TBC1D22B: variants seen among roughly 807,000 people sequenced by gnomAD.
TBC1D22B encodes TBC1 domain family member 22B.
A neutral mutation model predicts 69.1 loss-of-function variants in TBC1D22B; 32 were observed. The ratio of observed to expected loss-of-function variants is 0.46; its 90% CI spans 0.35 to 0.62. TBC1D22B has a LOEUF of 0.62. TBC1D22B is among the 20% of genes least tolerant of loss of function. TBC1D22B has a pLI of 0.00. For synonymous variants in TBC1D22B, 206 were observed against 229.8 expected (o/e 0.90, Z 0.94); for missense variants, 462 against 630.9 (o/e 0.73, Z 2.87).
intron 8 of TBC1D22B, among the ~76,000 whole-genome samples, chr6:37,294,508 T>A (rs1281554896): frequency 6.6e-6 from 1 of 151,892 alleles, no homozygotes; most frequent in Non-Finnish European, 1.5e-5. Flanking sequence ...TAGAGGGGAG[T>A]AGTCAATGTC....
intron 8 of TBC1D22B, among the ~76,000 whole-genome samples, chr6:37,293,824 T>C (rs1181622228): frequency 6.6e-6 from 1 of 152,158 alleles, no homozygotes; most frequent in African/African-American, 2.4e-5. Flanking sequence ...AACACACAAA[T>C]AGTAAGAGAT....
rs540142215 is a variant in TBC1D22B at position 37,313,895 on chromosome 6, G to A, written c.1165+4G>A. On this transcript the variant is annotated splice_donor_region_variant and intron_variant, in intron 10 of 12. Transcript: ENST00000373491. ...GAGCTTGTCAGCCGGATTGATGGTA[G>A]GTTCAGAGGGAGAAGAGTTCTCTAG... is the stretch of plus-strand genomic sequence containing the variant. The A allele has an allele frequency of 6.2e-7, 1 of 1,613,806 alleles. No individual in the cohort carries two copies. Among genetic ancestry groups the A allele is most frequent in the African/African-American group, 1.3e-5 (1 of 74,922 alleles).
intron 3 of TBC1D22B, among the ~76,000 whole-genome samples, chr6:37,281,412 A>G (rs966816250): frequency 5.3e-5 from 8 of 152,152 alleles, no homozygotes; most frequent in African/African-American, 1.9e-4. Flanking sequence ...AACAAGACAG[A>G]GTTCAGTTTG....
intron 8 of TBC1D22B, among the ~76,000 whole-genome samples, chr6:37,308,915 C>A (rs1348032614): frequency 6.8e-6 from 1 of 147,150 alleles, no homozygotes; most frequent in Admixed American, 6.9e-5. Flanking sequence ...TCAAGACCAG[C>A]CTAGGCAATA....
chr6:37,283,034 C>A, intron 5 of TBC1D22B, 82 bp downstream of exon 5: 1 of 1,214,368 alleles, frequency 8.2e-7, no homozygotes, highest in South Asian at 1.3e-5. Context: ...ACACATTGGT[C>A]TTAACTCCAT....
At chr6:37,275,359 G>A (rs1396178119) in intron 2 of TBC1D22B, among the ~76,000 whole-genome samples, 1 of 152,234 alleles carries the variant, frequency 6.6e-6, no homozygotes, top group South Asian at 2.1e-4. Context: ...CCTACAGGGT[G>A]TGAGAGTTGG....
chr6:37,311,246 C>G (rs1052745600), intron 8 of TBC1D22B, among the ~76,000 whole-genome samples: 3 of 150,884 alleles, frequency 2.0e-5, no homozygotes, highest in African/African-American at 7.3e-5. Context: ...CCACCCTTCT[C>G]AAGAGGGGTT....
chr6:37,298,783 G>T (rs185230174), intron 8 of TBC1D22B, among the ~76,000 whole-genome samples: 4 of 152,108 alleles, frequency 2.6e-5, no homozygotes, highest in South Asian at 2.1e-4. Context: ...CTGACCTCGT[G>T]ATCCGCCCAC....
chr6:37,266,466 CT>C (rs11336445), intron 1 of TBC1D22B, among the ~76,000 whole-genome samples: 114,935 of 142,620 alleles, frequency 0.81, 46,453 homozygotes, highest in East Asian at 0.89. Context: ...CTGCCTCATT[CT>C]TTTTTTTTTT....
At chr6:37,320,459 A>T (rs939753527) in intron 12 of TBC1D22B, among the ~76,000 whole-genome samples, 1 of 152,192 alleles carries the variant, frequency 6.6e-6, no homozygotes, top group African/African-American at 2.4e-5. Flanking sequence ...ACCTCGAAAC[A>T]GTGAGCTTAT....
Position 37,327,434 on chromosome 6 carries a change from T to C in TBC1D22B, c.1390-3610T>C, listed in dbSNP as rs1428971261. Among the ~76,000 whole-genome samples the C allele has an allele frequency of 6.3e-4, 45 of 71,188 alleles. 1 individual carries two copies. The highest frequency in any genetic ancestry group is 4.3e-3 in the East Asian group (11 of 2,562). 46.7% of individuals were successfully genotyped at this position (71,188 alleles called of 152,430 possible). ...CGGAGCTTGCAGTGAGCCGAGATCG[T>C]GCCACTGCACTCCAGCCTGGGCGAC... On this transcript the variant is annotated intron_variant, in intron 12 of 12. Coordinates refer to ENST00000373491, the MANE Select transcript of TBC1D22B (RefSeq NM_017772.4).
In TBC1D22B at chr6:37,332,717, G is replaced by A. The variant is rs530849951; in HGVS notation, c.*1545G>A. The A allele has an allele frequency of 6.5e-5, 10 of 152,724 alleles. No homozygotes were observed. In the South Asian group the frequency reaches 1.2e-3, roughly 19 times the overall value. The allele number at this position is 152,724 out of a possible 1,614,324, so 9.5% of individuals were successfully genotyped here. On this transcript the variant is annotated 3_prime_UTR_variant, in exon 13 of 13. Coordinates refer to ENST00000373491, the MANE Select transcript of TBC1D22B (RefSeq NM_017772.4). ...TTTGCCAGTGAGGCCCCACCACATC[G>A]GTGTGAGTTAGGTTTCTCATCTGGA...
intron 2 of TBC1D22B, among the ~76,000 whole-genome samples, chr6:37,278,307 G>A (rs1201930561): frequency 6.6e-6 from 1 of 152,108 alleles, no homozygotes; most frequent in African/African-American, 2.4e-5. Context: ...TCTTCTCAAG[G>A]CCAGCAGAAG....
chr6:37,301,222 G>T (rs1035120722), intron 8 of TBC1D22B, among the ~76,000 whole-genome samples: 3 of 152,110 alleles, frequency 2.0e-5, no homozygotes, highest in African/African-American at 7.2e-5. Context: ...CAATTTTTGT[G>T]GGTTTTTTGG....
At chr6:37,295,758 G>A (rs370742433) in intron 8 of TBC1D22B, 44 of 281,440 alleles carry the variant, frequency 1.6e-4, no homozygotes, top group Middle Eastern at 9.8e-4. Flanking sequence ...TGGCTGGGGA[G>A]GCCTCACAAT....
intron 8 of TBC1D22B, among the ~76,000 whole-genome samples, chr6:37,302,956 A>G (rs1767611479): frequency 6.6e-6 from 1 of 152,224 alleles, no homozygotes; most frequent in Non-Finnish European, 1.5e-5. Flanking sequence ...AGTCTTCAGC[A>G]TGTGGTTTCT....
At chr6:37,273,148 C>T (rs901478015) in intron 2 of TBC1D22B, among the ~76,000 whole-genome samples, 2 of 120,928 alleles carry the variant, frequency 1.7e-5, no homozygotes, top group East Asian at 5.5e-4. Flanking sequence ...GAGTGTGATT[C>T]TGAAAGCTAT....
chr6:37,276,278 T>C (rs1459195237), intron 2 of TBC1D22B, among the ~76,000 whole-genome samples: 1 of 152,216 alleles, frequency 6.6e-6, no homozygotes, highest in Non-Finnish European at 1.5e-5. Context: ...TCTTTCATTC[T>C]TGTGGGTGGT....
At chr6:37,277,779 C>T (rs1766711453) in intron 2 of TBC1D22B, among the ~76,000 whole-genome samples, 1 of 151,846 alleles carries the variant, frequency 6.6e-6, no homozygotes, top group Non-Finnish European at 1.5e-5. Context: ...CTCAAATAGT[C>T]TTGTTTTAAG....
Sources: gnomAD v4.1 joint callset for allele counts (sites outside exome capture counted in the v4.1 genomes callset) on GRCh38, gnomAD v4.1.1 for gene constraint, MANE v1.5 for transcripts, NCBI Gene and HGNC (gene_info 2026-07-23, HGNC 2026-07-21) for gene names.